Variants in SMCO4 observed in about 807,000 individuals in gnomAD.
The protein encoded by SMCO4 is single-pass membrane protein with coiled-coil domains 4, also known as single-pass membrane and coiled-coil domain-containing protein 4.
Under a neutral mutation model 3.6 loss-of-function variants are expected in SMCO4, and 4 were observed. The observed-to-expected ratio is 1.11, with a 90% confidence interval of 0.54 to 2.53. SMCO4 has a LOEUF of 2.53. Ranked by LOEUF, SMCO4 falls within the 30% of genes most tolerant of loss-of-function variation. The pLI is 0.02. For missense variants in SMCO4, 70 were observed against 80.8 expected (o/e 0.87, Z 0.51); for synonymous variants, 36 against 35.3 (o/e 1.02, Z -0.07).
chr11:93,483,294 TA>T (rs1948612874), intron 2 of SMCO4, among the ~76,000 whole-genome samples: 1 of 152,142 alleles, frequency 6.6e-6, no homozygotes, highest in African/African-American at 2.4e-5. Flanking sequence ...CCCTCTGGGC[TA>T]AGGATCGCCT....
intron 1 of SMCO4, among the ~76,000 whole-genome samples, chr11:93,528,585 T>C (rs566088201): frequency 4.2e-4 from 64 of 152,306 alleles, no homozygotes; most frequent in Admixed American, 7.8e-4. Flanking sequence ...AAAAAGTTCA[T>C]GTTCCCTGTG....
chr11:93,480,460 C>A (rs1376237708), intron 2 of SMCO4, among the ~76,000 whole-genome samples: 1 of 152,230 alleles, frequency 6.6e-6, no homozygotes, highest in Non-Finnish European at 1.5e-5. Context: ...CTAGCCAAGC[C>A]CCGGCCCATA....
At chr11:93,499,900 C>A (rs1948817969) in intron 1 of SMCO4, among the ~76,000 whole-genome samples, 1 of 152,136 alleles carries the variant, frequency 6.6e-6, no homozygotes, top group Non-Finnish European at 1.5e-5. Context: ...GTGACAGCCA[C>A]AGAGGACAGC....
intron 1 of SMCO4, among the ~76,000 whole-genome samples, chr11:93,500,464 C>T (rs1948824708): frequency 6.6e-6 from 1 of 152,178 alleles, no homozygotes; most frequent in Admixed American, 6.5e-5. Context: ...GTTGGGCAAT[C>T]ACAAACTTAC....
chr11:93,518,648 T>C (rs1041793520), intron 1 of SMCO4, among the ~76,000 whole-genome samples: 2 of 152,176 alleles, frequency 1.3e-5, no homozygotes, highest in Non-Finnish European at 2.9e-5. Flanking sequence ...TTTGAATAAG[T>C]TCAAATCTGG....
chr11:93,522,270 T>G (rs1949064928), intron 1 of SMCO4, among the ~76,000 whole-genome samples: 1 of 152,232 alleles, frequency 6.6e-6, no homozygotes, highest in South Asian at 2.1e-4. Flanking sequence ...ATTCAAATGC[T>G]GACTCTCTGG....
intron 1 of SMCO4, among the ~76,000 whole-genome samples, chr11:93,518,546 A>G (rs1283227555): frequency 6.6e-6 from 1 of 152,208 alleles, no homozygotes; most frequent in Non-Finnish European, 1.5e-5. Context: ...AATATTTTTA[A>G]AATTTGAAAT....
chr11:93,514,303 T>C (rs1948984680), intron 1 of SMCO4, among the ~76,000 whole-genome samples: 1 of 145,000 alleles, frequency 6.9e-6, no homozygotes, highest in African/African-American at 2.6e-5. Context: ...GTCATCAATA[T>C]AATGATCAGA....
chr11:93,552,442 G>GTTATTATTATTATTATTA, the SMCO4 span, among the ~76,000 whole-genome samples: 4 of 130,246 alleles, frequency 3.1e-5, no homozygotes, highest in African/African-American at 5.8e-5. Flanking sequence ...GCCCAGCCAC[G>GTTATTATTATTATTATTA]TTATTATTAT....
rs1948927592 is a variant in SMCO4, at chr11:93,508,417, C to T, written c.-153-9069G>A. Among the ~76,000 whole-genome samples the T allele has an allele frequency of 3.3e-5, 5 of 152,152 alleles. No homozygotes were observed. The South Asian group carries it at 1.0e-3, about 32-fold the overall frequency. Reference sequence around the variant, plus strand: ...CAAGTAAGTATGATAAGAAGTCAAACTGTAGGGCGTTGAAGGTCCATTATT... The same window carrying T: ...CAAGTAAGTATGATAAGAAGTCAAATTGTAGGGCGTTGAAGGTCCATTATT... On this transcript the variant is annotated intron_variant, in intron 1 of 2. Coordinates refer to ENST00000298966, the MANE Select transcript of SMCO4 (RefSeq NM_020179.3).
upstream of SMCO4, among the ~76,000 whole-genome samples, chr11:93,547,788 C>G (rs1949324688): frequency 6.6e-6 from 1 of 152,080 alleles, no homozygotes; most frequent in Non-Finnish European, 1.5e-5. Flanking sequence ...TGAGTGTAGG[C>G]TGTGGAAGAT....
chr11:93,550,358 T>C, the SMCO4 span, among the ~76,000 whole-genome samples: 19,478 of 151,990 alleles, frequency 0.13, 1,650 homozygotes, highest in African/African-American at 0.24. Context: ...CCCCAGGGTG[T>C]ATCATTAAAG....
chr11:93,511,498 T>G (rs1192207736), intron 1 of SMCO4, among the ~76,000 whole-genome samples: 1 of 152,188 alleles, frequency 6.6e-6, no homozygotes, highest in Non-Finnish European at 1.5e-5. Context: ...CATGTCTGTG[T>G]GGGTTTTCTC....
chr11:93,520,530 T>C (rs1280518285), intron 1 of SMCO4, among the ~76,000 whole-genome samples: 1 of 152,224 alleles, frequency 6.6e-6, no homozygotes, highest in African/African-American at 2.4e-5. Context: ...TTTCTGCTCT[T>C]GACCATTATA....
rs999688355 is a variant in SMCO4, at chr11:93,541,444, T to G, written c.-154+1832A>C. On this transcript the variant is annotated intron_variant, in intron 1 of 2. Coordinates refer to ENST00000298966, the MANE Select transcript of SMCO4 (RefSeq NM_020179.3). Reference sequence around the variant, plus strand: ...AATGGAAAAGATGGCAGAAGCATAGTTGTACAAGGACCCCAGCATCAGTCA... The same window carrying G: ...AATGGAAAAGATGGCAGAAGCATAGGTGTACAAGGACCCCAGCATCAGTCA... Among the ~76,000 whole-genome samples the G allele has an allele frequency of 7.6e-4, 116 of 152,290 alleles. 1 individual carries two copies. Among genetic ancestry groups the G allele is most frequent in the African/African-American group, 2.7e-3 (113 of 41,560 alleles).
intron 1 of SMCO4, among the ~76,000 whole-genome samples, chr11:93,501,454 C>T (rs149791079): frequency 3.3e-5 from 5 of 152,304 alleles, no homozygotes; most frequent in Admixed American, 1.3e-4. Context: ...CGTTTGTCGC[C>T]GCTTCCAGCT....
intron 1 of SMCO4, among the ~76,000 whole-genome samples, chr11:93,526,541 C>A (rs1054007477): frequency 6.6e-5 from 10 of 152,044 alleles, no homozygotes; most frequent in African/African-American, 2.4e-4. Context: ...ACCAGTGAAG[C>A]GATGGTAGAG....
intron 1 of SMCO4, among the ~76,000 whole-genome samples, chr11:93,523,921 G>T (rs1012654153): frequency 6.6e-6 from 1 of 152,126 alleles, no homozygotes; most frequent in Non-Finnish European, 1.5e-5. Flanking sequence ...AAAACCAAAA[G>T]AATGAGAAAA....
intron 1 of SMCO4, among the ~76,000 whole-genome samples, chr11:93,512,084 CA>C (rs139021261): frequency 9.3e-4 from 141 of 152,178 alleles, no homozygotes; most frequent in African/African-American, 3.3e-3. Flanking sequence ...CAGAAATATG[CA>C]ATAGGAATTT....
Sources: allele counts gnomAD v4.1 joint callset (sites outside exome capture counted in the v4.1 genomes callset), GRCh38; gene constraint gnomAD v4.1.1; transcripts MANE v1.5; gene names NCBI Gene and HGNC (gene_info 2026-07-23, HGNC 2026-07-21).